CCDC102B: variants seen among roughly 807,000 people sequenced by gnomAD.
The protein encoded by CCDC102B is coiled-coil domain-containing protein 102B.
A neutral mutation model predicts 57.4 loss-of-function variants in CCDC102B; 75 were observed. That is an observed-to-expected ratio of 1.31 (90% confidence interval 1.08 to 1.58). The LOEUF (loss-of-function observed/expected upper bound fraction) is 1.58. Among genes scored for constraint, CCDC102B ranks in the 40% most tolerant of loss-of-function variants. The pLI, the probability that CCDC102B is intolerant of heterozygous loss-of-function variation, is 0.00. For synonymous variants in CCDC102B, 206 were observed against 201.9 expected (o/e 1.02, Z -0.17); for missense variants, 636 against 582.6 (o/e 1.09, Z -0.94).
chr18:68,755,552 AAAGTAGAAATATAAAATCAC>A (rs2034018676), intron 2 of CCDC102B, among the ~76,000 whole-genome samples: 1 of 152,202 alleles, frequency 6.6e-6, no homozygotes. Flanking sequence ...GCTGCAATGT[AAAGTAGAAATATAAAATCAC>A]AAATATTTCT....
In CCDC102B at chr18:68,916,037, G is replaced by A. The variant is rs187930009; in HGVS notation, c.1263+18609G>A. Among the ~76,000 whole-genome samples the A allele has an allele frequency of 3.0e-3, 453 of 152,218 alleles. 2 individuals are homozygous for A. Among genetic ancestry groups the A allele is most frequent in the Non-Finnish European group, 4.3e-3 (294 of 68,008 alleles). On this transcript the variant is annotated intron_variant, in intron 6 of 7. Transcript: ENST00000360242. ...ATCACATCTTATATATTATAGGTAT[G>A]AGAAATTTCATGTAAATTTAGTTAG...
intron 6 of CCDC102B, among the ~76,000 whole-genome samples, chr18:68,956,485 AT>A (rs2049884418): frequency 1.6e-4 from 7 of 42,922 alleles, no homozygotes; most frequent in East Asian, 1.1e-3. Flanking sequence ...TATATATATA[AT>A]ATATATATAA....
chr18:68,941,623 GT>G (rs2049382733), intron 6 of CCDC102B, among the ~76,000 whole-genome samples: 1 of 152,054 alleles, frequency 6.6e-6, no homozygotes, highest in Admixed American at 6.6e-5. Flanking sequence ...TTTTAAGTTA[GT>G]TTTAATTCAA....
rs117489327 is a variant in CCDC102B at position 68,759,235 on chromosome 18, C to T, written c.-67+42641C>T. On this transcript the variant is annotated intron_variant, in intron 2 of 3. Transcript: ENST00000578970. ...ATTACCAGTCCAGGATGTTTACCAT[C>T]TTAAAAATAAGACTTGTGGAGCCAG... 1.9e-3 allele frequency among the ~76,000 whole-genome samples: 290 copies of T among 152,030 alleles called. 5 individuals carry two copies. The East Asian group carries it at 0.043, about 23-fold the overall frequency.
intron 6 of CCDC102B, among the ~76,000 whole-genome samples, chr18:69,002,566 C>CCTTG (rs1173579282): frequency 4.6e-5 from 7 of 152,118 alleles, no homozygotes; most frequent in African/African-American, 1.7e-4. Flanking sequence ...GTCACTCTAA[C>CCTTG]CTTGGATTTA....
At position 68,956,440 on chromosome 18, in the gene CCDC102B, ATATTATATATATTATATATTT is replaced by A. The variant is rs1301120797; in HGVS notation, c.1264-54490_1264-54470del. On this transcript the variant is annotated intron_variant, in intron 6 of 7. Coordinates refer to ENST00000360242, the MANE Select transcript of CCDC102B (RefSeq NM_024781.3). Reference sequence around the variant, plus strand: ...ATTATATATATTATACATTTTATATATATTATATATATTATATATTTTATATATATATTATATATATATAAT... The same window carrying A: ...ATTATATATATTATACATTTTATATATATATATATATTATATATATATAAT... 8.8e-4 allele frequency among the ~76,000 whole-genome samples: 14 copies of A among 15,924 alleles called. 2 individuals carry two copies. The highest frequency in any genetic ancestry group is 2.8e-3 in the South Asian group (1 of 362). 10.4% of individuals were successfully genotyped at this position (15,924 alleles called of 152,430 possible).
At chr18:68,731,646 AC>A (rs1209466209) in intron 2 of CCDC102B, among the ~76,000 whole-genome samples, 2 of 150,676 alleles carry the variant, frequency 1.3e-5, no homozygotes, top group African/African-American at 4.9e-5. Context: ...TATAATATAA[AC>A]AATTTTGTAT....
At chr18:68,899,872 A>G (rs1401960552) in intron 6 of CCDC102B, 1 of 152,172 alleles carries the variant, frequency 6.6e-6, no homozygotes, top group African/African-American at 2.4e-5. Flanking sequence ...CTATTAATCA[A>G]AAGACAAATA....
intron 7 of CCDC102B, among the ~76,000 whole-genome samples, chr18:69,018,834 T>A (rs1385173978): frequency 6.6e-6 from 1 of 152,104 alleles, no homozygotes; most frequent in Non-Finnish European, 1.5e-5. Flanking sequence ...AAAAATTTAT[T>A]ACCAAGAATA....
intron 6 of CCDC102B, chr18:68,907,961 C>CT (rs1268180882): frequency 4.6e-5 from 7 of 152,118 alleles, no homozygotes; most frequent in Non-Finnish European, 8.8e-5. Flanking sequence ...AAATTTTCAA[C>CT]TTTTTTCTAA....
In CCDC102B at chr18:68,763,827, G is replaced by A. The variant is rs1288648362; in HGVS notation, c.-67+47233G>A. On this transcript the variant is annotated intron_variant, in intron 2 of 3. Transcript: ENST00000578970. ...TTTTTCCCCTTGTGTTAACCTCTAG[G>A]TATTTCTTCCATGTGAGTATAATAA... 2.0e-5 allele frequency among the ~76,000 whole-genome samples: 3 copies of A among 151,482 alleles called. No individual in the cohort carries two copies. In the East Asian group the frequency reaches 5.8e-4, roughly 30 times the overall value.
At chr18:68,920,382 C>A (rs1002943702) in intron 6 of CCDC102B, among the ~76,000 whole-genome samples, 1 of 152,146 alleles carries the variant, frequency 6.6e-6, no homozygotes, top group Non-Finnish European at 1.5e-5. Flanking sequence ...CTATGGCCAT[C>A]TGATGTTTGG....
rs201983014 is a variant in CCDC102B, at chr18:69,023,932, A to AT, written c.1434+12836dup. On this transcript the variant is annotated intron_variant, in intron 7 of 7. Coordinates refer to ENST00000360242, the MANE Select transcript of CCDC102B (RefSeq NM_024781.3). Reference sequence around the variant, plus strand: ...TGATGAACCTTTTTAACATTCAGTGATTTTTTTTCTGCTTTAATCAATTAT... The same window carrying AT: ...TGATGAACCTTTTTAACATTCAGTGATTTTTTTTTCTGCTTTAATCAATTAT... 6.2e-3 allele frequency among the ~76,000 whole-genome samples: 936 copies of AT among 151,958 alleles called. 4 individuals carry two copies. Among genetic ancestry groups the AT allele is most frequent in the Non-Finnish European group, 0.011 (733 of 67,872 alleles).
At chr18:68,858,902 T>G (rs745760011) in intron 4 of CCDC102B, 7 of 152,202 alleles carry the variant, frequency 4.6e-5, no homozygotes, top group Non-Finnish European at 8.8e-5. Context: ...ACTTGCAAGT[T>G]TTTGTTTTTC....
intron 1 of CCDC102B, among the ~76,000 whole-genome samples, chr18:68,810,700 T>C (rs1260544619): frequency 6.8e-6 from 1 of 146,786 alleles, no homozygotes; most frequent in African/African-American, 2.5e-5. Flanking sequence ...TTTTTTTTTT[T>C]TTTTTTTATG....
At chr18:68,922,083 ACACC>A (rs2041301865) in intron 6 of CCDC102B, among the ~76,000 whole-genome samples, 2 of 152,154 alleles carry the variant, frequency 1.3e-5, no homozygotes, top group Admixed American at 1.3e-4. Flanking sequence ...TCAGCCATGC[ACACC>A]AGAATCCTGC....
In CCDC102B at chr18:68,731,450, A is replaced by G. The variant is rs1270934810; in HGVS notation, c.-67+14856A>G. 2.0e-5 allele frequency among the ~76,000 whole-genome samples: 3 copies of G among 151,922 alleles called. No homozygotes were observed. In the East Asian group the frequency reaches 5.8e-4, roughly 29 times the overall value. ...ACTCCCTTATCCTTTCCTTCCCCCGACTTGGAATCCGTGATCCTTCCAAAA... is the reference window on the plus strand; with the variant it reads ...ACTCCCTTATCCTTTCCTTCCCCCGGCTTGGAATCCGTGATCCTTCCAAAA... On this transcript the variant is annotated intron_variant, in intron 2 of 3. Coordinates refer to the CCDC102B transcript ENST00000578970.
intron 7 of CCDC102B, among the ~76,000 whole-genome samples, chr18:69,024,511 ATAAT>A (rs1398249743): frequency 1.3e-5 from 2 of 152,094 alleles, no homozygotes; most frequent in Non-Finnish European, 2.9e-5. Context: ...TAAACCATAC[ATAAT>A]TAGACATATT....
intron 1 of CCDC102B, among the ~76,000 whole-genome samples, chr18:68,805,948 G>A (rs1311380928): frequency 1.3e-5 from 2 of 152,014 alleles, no homozygotes; most frequent in African/African-American, 4.8e-5. Context: ...TTTTCTCTCT[G>A]CTTATGTAAC....
Sources: allele counts gnomAD v4.1 joint callset (sites outside exome capture counted in the v4.1 genomes callset), GRCh38; gene constraint gnomAD v4.1.1; transcripts MANE v1.5; gene names NCBI Gene and HGNC (gene_info 2026-07-23, HGNC 2026-07-21).